The following NBAS variants were observed in gnomAD, a reference collection of about 807,000 sequenced individuals.
NBAS encodes NAG/BC035112 fusion.
NBAS carries 219 observed loss-of-function variants against 302.5 expected under a neutral mutation model. The ratio of observed to expected loss-of-function variants is 0.72; its 90% confidence interval spans 0.65 to 0.81. NBAS has a LOEUF of 0.81. Ranked by LOEUF, NBAS falls within the 30% of genes least tolerant of loss-of-function variation. NBAS has a pLI of 0.00. For synonymous variants in NBAS, 1,118 were observed against 1,021.6 expected (o/e 1.09, Z -1.80); for missense variants, 2,932 against 2,841.6 (o/e 1.03, Z -0.72).
At chr2:15,177,269 C>T (rs1037795217) in intron 51 of NBAS, among the ~76,000 whole-genome samples, 5 of 152,132 alleles carry the variant, frequency 3.3e-5, no homozygotes, top group East Asian at 1.9e-4. Context: ...CAAAGTGTTA[C>T]GGAAGTAAAT....
chr2:15,482,509 G>T (rs1344900180), intron 12 of NBAS, among the ~76,000 whole-genome samples: 1 of 152,074 alleles, frequency 6.6e-6, no homozygotes, highest in Non-Finnish European at 1.5e-5. Flanking sequence ...TTTTGTTATA[G>T]GAGTGATGGC....
intron 11 of NBAS, among the ~76,000 whole-genome samples, chr2:15,493,486 G>A (rs1369411028): frequency 6.6e-6 from 1 of 152,010 alleles, no homozygotes; most frequent in African/African-American, 2.4e-5. Context: ...TGGTCAACAT[G>A]GTAAAACCCC....
At chr2:15,019,916 T>A in the NBAS span, among the ~76,000 whole-genome samples, 6 of 152,204 alleles carry the variant, frequency 3.9e-5, no homozygotes, top group African/African-American at 1.2e-4. Flanking sequence ...TAAATTTCTG[T>A]TGTTTGCAAA....
chr2:15,101,829 T>C, the NBAS span, among the ~76,000 whole-genome samples: 1 of 152,142 alleles, frequency 6.6e-6, no homozygotes, highest in Non-Finnish European at 1.5e-5. Context: ...CAGAATTAGG[T>C]TCAAGAAGAA....
intron 41 of NBAS, among the ~76,000 whole-genome samples, chr2:15,287,629 T>C (rs1670107385): frequency 1.3e-5 from 2 of 149,842 alleles, no homozygotes; most frequent in African/African-American, 4.9e-5. Context: ...AGCACCCATG[T>C]GGGCATCCCC....
chr2:15,003,942 G>C, the NBAS span, among the ~76,000 whole-genome samples: 7 of 152,152 alleles, frequency 4.6e-5, no homozygotes, highest in Non-Finnish European at 8.8e-5. Context: ...CTAGTGACTC[G>C]TGCAAGATAA....
intron 29 of NBAS, 124 bp from the exon 30 acceptor site, chr2:15,379,955 A>G (rs974886500): frequency 1.3e-6 from 1 of 794,220 alleles, no homozygotes; most frequent in African/African-American, 1.7e-5. Flanking sequence ...TGGTGGCTGC[A>G]CAGCACTGTA....
rs13400609 is a variant in NBAS, at chr2:15,413,888, A to T, written c.2937+1658T>A. 7.9e-3 allele frequency among the ~76,000 whole-genome samples: 1,209 copies of T among 152,318 alleles called. 12 individuals carry two copies. Among genetic ancestry groups the T allele is most frequent in the African/African-American group, 0.028 (1,153 of 41,572 alleles). On this transcript the variant is annotated intron_variant, in intron 25 of 51. Coordinates refer to ENST00000281513, the MANE Select transcript of NBAS (RefSeq NM_015909.4). ...AGATTCACATGTTTCAACAAAGGCA[A>T]ATGGCTGTATGTTTTGTTCAAAAGG...
At chr2:14,794,554 TTA>T in the NBAS span, among the ~76,000 whole-genome samples, 6 of 152,166 alleles carry the variant, frequency 3.9e-5, no homozygotes, top group African/African-American at 1.4e-4. Flanking sequence ...AAATAAATGT[TTA>T]TGTTTTATTT....
At chr2:15,249,213 C>A (rs1572524361) in intron 44 of NBAS, among the ~76,000 whole-genome samples, 1 of 143,924 alleles carries the variant, frequency 6.9e-6, no homozygotes, top group Admixed American at 6.7e-5. Flanking sequence ...ATGAAAAAAA[C>A]CACATGATTA....
At chr2:15,165,463 C>A (rs1165328365), downstream of NBAS, among the ~76,000 whole-genome samples, 2 of 152,160 alleles carry the variant, frequency 1.3e-5, no homozygotes, top group East Asian at 3.9e-4. Flanking sequence ...GGTGGGAGGT[C>A]AGGGGAGTGA....
At chr2:15,012,888 C>T in the NBAS span, among the ~76,000 whole-genome samples, 1 of 151,938 alleles carries the variant, frequency 6.6e-6, no homozygotes, top group South Asian at 2.1e-4. Context: ...GCCAGAGCCT[C>T]ACTTTGTCAC....
the NBAS span, among the ~76,000 whole-genome samples, chr2:15,022,900 T>C: frequency 3.3e-5 from 5 of 152,180 alleles, no homozygotes; most frequent in African/African-American, 1.2e-4. Context: ...TATGATTTTA[T>C]ATGAATGATA....
the NBAS span, among the ~76,000 whole-genome samples, chr2:14,975,240 C>T: frequency 2.0e-5 from 3 of 152,120 alleles, no homozygotes; most frequent in Non-Finnish European, 4.4e-5. Context: ...GACTTCTGAC[C>T]CACACAACTG....
the NBAS span, among the ~76,000 whole-genome samples, chr2:14,878,693 G>C: frequency 2.0e-5 from 3 of 152,162 alleles, no homozygotes; most frequent in African/African-American, 7.2e-5. Flanking sequence ...ATGCTTAAAA[G>C]TAATGGCAGT....
intron 6 of NBAS, among the ~76,000 whole-genome samples, chr2:15,547,519 C>G (rs1664171493): frequency 6.6e-6 from 1 of 152,196 alleles, no homozygotes; most frequent in African/African-American, 2.4e-5. Context: ...ACTAAAAACT[C>G]TGACAAATAT....
At chr2:15,117,299 G>A in the NBAS span, among the ~76,000 whole-genome samples, 1 of 152,144 alleles carries the variant, frequency 6.6e-6, no homozygotes, top group Non-Finnish European at 1.5e-5. Flanking sequence ...GGTAAGCCAT[G>A]GGAGTTCCTG....
intron 14 of NBAS, 112 bp downstream of exon 14, chr2:15,475,575 A>G: frequency 8.8e-7 from 1 of 1,131,346 alleles, no homozygotes; most frequent in Non-Finnish European, 1.3e-6. Context: ...GATTCCAATC[A>G]CAGATTTTTA....
chr2:15,266,069 TAGTG>T (rs1669062698), intron 44 of NBAS, among the ~76,000 whole-genome samples: 1 of 152,178 alleles, frequency 6.6e-6, no homozygotes. Context: ...GCTGCTGTGA[TAGTG>T]AGTGAGTTCT....
Sources: gnomAD v4.1 joint callset for allele counts (sites outside exome capture counted in the v4.1 genomes callset) on GRCh38, gnomAD v4.1.1 for gene constraint, MANE v1.5 for transcripts, NCBI Gene and HGNC (gene_info 2026-07-23, HGNC 2026-07-21) for gene names.